Variants in ADAM33 observed in about 807,000 individuals in gnomAD.
ADAM33 encodes disintegrin and metalloproteinase domain-containing protein 33.
A neutral mutation model predicts 106.2 loss-of-function variants in ADAM33; 103 were observed. That is an observed-to-expected ratio of 0.97 (90% CI 0.83 to 1.14). ADAM33 has a LOEUF of 1.14. Ranked by LOEUF, ADAM33 falls within the 50% of genes most tolerant of loss-of-function variation. The pLI is 0.00. For synonymous variants in ADAM33, 483 were observed against 453.0 expected (o/e 1.07, Z -0.84); for missense variants, 1,120 against 1,096.6 (o/e 1.02, Z -0.30).
At chr20:3,677,817 C>T (rs1159537808) in intron 2 of ADAM33, among the ~76,000 whole-genome samples, 1 of 152,238 alleles carries the variant, frequency 6.6e-6, no homozygotes, top group Non-Finnish European at 1.5e-5. Flanking sequence ...GCCCTCTCTC[C>T]TTCCCCCACC....
At chr20:3,677,479 T>C (rs964950610) in intron 2 of ADAM33, among the ~76,000 whole-genome samples, 21 of 152,012 alleles carry the variant, frequency 1.4e-4, no homozygotes, top group Admixed American at 1.4e-3. Flanking sequence ...AGAAGGGGCA[T>C]CAAAAGCAGG....
Position 3,674,541 on chromosome 20 carries a change from G to A in ADAM33, c.563C>T (p.Ala188Val), listed in dbSNP as rs759205904. ...TCGHRDPGNK[A>V]GMTSLPGGPQ... ...ACCACCAGGAAGGCTGGTCATGCCC[G>A]CTTTGTTCCCAGGATCCCTGTGGCC... Residue 188 changes from alanine to valine, a missense_variant, in exon 6 of 22, where the codon GCG (alanine) becomes GTG (valine). By Grantham distance (64) the Ala-to-Val change is moderately conservative (BLOSUM62 0). Coordinates refer to ENST00000356518, the MANE Select transcript of ADAM33 (RefSeq NM_025220.5). 7 of 1,613,402 alleles carry A rather than the reference G, an allele frequency of 4.3e-6. No homozygotes were observed. The highest frequency in any genetic ancestry group is 1.7e-5 in the Admixed American group (1 of 59,920).
At position 3,673,432 on chromosome 20, in the gene ADAM33, C is replaced by T. The variant is rs778204922; in HGVS notation, c.1055G>A (p.Gly352Asp). The T allele has an allele frequency of 9.5e-6, 15 of 1,574,944 alleles. No homozygotes were observed. In the Middle Eastern group the frequency reaches 7.2e-4, roughly 75 times the overall value. ...GCAGCCGTCGGGGTCGTGGCTGAGG[C>T]CGAGGCTGTGGCCGATCTCATGGGC... ...TMAHEIGHSL[G>D]LSHDPDGCCV... Residue 352 changes from glycine (G) to aspartate (D), a missense_variant, in exon 11 of 22, where the codon GGC (glycine) becomes GAC (aspartate). Transcript: ENST00000356518.
intron 19 of ADAM33, 21 bp from the exon 20 acceptor site, chr20:3,669,658 C>A: frequency 1.3e-6 from 2 of 1,589,166 alleles, no homozygotes; most frequent in East Asian, 4.5e-5. Context: ...TGATAAGAGT[C>A]CAGGAGGTTG....
rs1169861002 is a variant in ADAM33 at position 3,673,352 on chromosome 20, A to G, written c.1133+2T>C. On this transcript the variant is annotated splice_donor_variant, in intron 11 of 21. Transcript: ENST00000356518. LOFTEE classifies it high-confidence loss of function. ...CGCAGCCCCGACCCCCCACCCGCGT[A>G]CCCGGTGGCCGCAGCCATGACGCAG... 1 of 1,537,818 alleles carries G rather than the reference A, an allele frequency of 6.5e-7. No individual in the cohort carries two copies. The highest frequency in any genetic ancestry group is 1.2e-5 in the South Asian group (1 of 84,166).
intron 1 of ADAM33, 44 bp from the exon 2 acceptor site, chr20:3,679,615 A>C: frequency 6.5e-7 from 1 of 1,549,334 alleles, no homozygotes. Flanking sequence ...CCTGAGGAAC[A>C]CAGGGGCATG....
intron 1 of ADAM33, among the ~76,000 whole-genome samples, chr20:3,681,062 C>T (rs2088450057): frequency 6.6e-6 from 1 of 152,182 alleles, no homozygotes; most frequent in Admixed American, 6.5e-5. Context: ...GACCAGGCCC[C>T]TGTACCTGTT....
At position 3,674,417 on chromosome 20, in the gene ADAM33, G is replaced by C. The variant is rs2087797812; in HGVS notation, c.600+87C>G. The C allele has an allele frequency of 1.9e-6, 3 of 1,599,580 alleles. No individual in the cohort carries two copies. In the South Asian group the frequency reaches 3.3e-5, roughly 18 times the overall value. On this transcript the variant is annotated intron_variant, in intron 6 of 21. Transcript: ENST00000356518. ...CTTCAGACTTCAATAAAAATACTGG[G>C]ACTCGAGGCCTGTGAATTCCCGTCT...
rs1568800050 is a variant in ADAM33 at position 3,671,816 on chromosome 20, AC to A, written c.1707-38del. ...GTAGAGGGGGGTCAACAGCTGCAGT[AC>A]CCCCCTTCCCCAAACCCACTCCATA... On this transcript the variant is annotated intron_variant, in intron 15 of 21. Transcript: ENST00000356518. 13 of 1,551,074 alleles carry A rather than the reference AC, an allele frequency of 8.4e-6. 1 individual carries two copies. The South Asian group carries it at 1.3e-4, about 16-fold the overall frequency.
At position 3,668,998 on chromosome 20, in the gene ADAM33, C is replaced by T; in HGVS notation, c.2407G>A (p.Asp803Asn). ...LPAVSPDPQA[D>N]QVQMPRSCLW ...CAGGATCTTGGCATCTGGACTTGATCTGCTGAGAATGAGGAGGATATGTTG... is the reference window on the plus strand; with the variant it reads ...CAGGATCTTGGCATCTGGACTTGATTTGCTGAGAATGAGGAGGATATGTTG... The change falls in exon 22 of 22, where the codon GAT becomes AAT. Residue 803 changes from aspartate (D) to asparagine (N), a missense_variant and splice_region_variant. Coordinates refer to ENST00000356518, the MANE Select transcript of ADAM33 (RefSeq NM_025220.5). 6.2e-7 allele frequency: 1 copy of T among 1,613,894 alleles called. No individual in the cohort carries two copies. Among genetic ancestry groups the T allele is most frequent in the Non-Finnish European group, 8.5e-7 (1 of 1,179,946 alleles).
chr20:3,675,064 G>A lies in ADAM33; in HGVS notation c.296C>T (p.Pro99Leu). Residue 99 changes from proline (P) to leucine (L), a missense_variant, in exon 4 of 22, where the codon CCA (proline) becomes CTA (leucine). Pro to Leu is a moderately conservative substitution (Grantham distance 98, BLOSUM62 -3). Transcript: ENST00000356518. The surrounding 1 kb of genome is among the most constrained non-coding windows in gnomAD (Gnocchi z 4.1). ...GGCCAGCACCACTGGCTGCCCATCT[G>A]GGCCGTAGTGGGTTTCTATGTATCC... ...APGYIETHYGPDGQPVVLAPN... is the reference protein window; with the variant it reads ...APGYIETHYGLDGQPVVLAPN... 6.2e-7 allele frequency: 1 copy of A among 1,613,408 alleles called. No homozygotes were observed. The highest frequency in any genetic ancestry group is 1.1e-5 in the South Asian group (1 of 90,770).
Position 3,671,217 on chromosome 20 carries a change from C to T in ADAM33, c.2092+20G>A. 6.2e-7 allele frequency: 1 copy of T among 1,613,264 alleles called. No individual in the cohort carries two copies. Among genetic ancestry groups the T allele is most frequent in the Non-Finnish European group, 8.5e-7 (1 of 1,179,440 alleles). Reference sequence around the variant, plus strand: ...GGTGCACCACCCCAGCTCCTGCCCACATGCCCCCCACTGGCATACTTTCAG... The same window carrying T: ...GGTGCACCACCCCAGCTCCTGCCCATATGCCCCCCACTGGCATACTTTCAG... On this transcript the variant is annotated intron_variant, in intron 18 of 21. Coordinates refer to ENST00000356518, the MANE Select transcript of ADAM33 (RefSeq NM_025220.5).
rs41382144 is a variant in ADAM33 at position 3,672,615 on chromosome 20, G to T, written c.1323C>A (p.Asp441Glu). The T allele has an allele frequency of 2.5e-6, 4 of 1,613,506 alleles. No individual in the cohort carries two copies. Among genetic ancestry groups the T allele is most frequent in the Middle Eastern group, 3.3e-4 (2 of 6,062 alleles). ...AGCAGTTGTGAGCAAAGCAGCAGAG[G>T]TCGCGGCACTCCTGGGACCAGAAAG... The part of the protein sequence containing the change: ...CDCGPGQECR[D>E]LCCFAHNCSL... The change falls in exon 13 of 22, where the codon GAC (aspartate) becomes GAA (glutamate). Residue 441 changes from aspartate (D) to glutamate (E), a missense_variant. Transcript: ENST00000356518.
At chr20:3,676,550 C>T (rs562076615) in intron 3 of ADAM33, among the ~76,000 whole-genome samples, 2 of 151,976 alleles carry the variant, frequency 1.3e-5, no homozygotes, top group East Asian at 1.9e-4. Context: ...GCGATTCTCC[C>T]GTCTCAGCCC....
chr20:3,668,560 A>C lies in ADAM33; in HGVS notation c.*403T>G. 4.1e-6 allele frequency: 1 copy of C among 245,520 alleles called. No homozygotes were observed. Among genetic ancestry groups the C allele is most frequent in the Non-Finnish European group, 8.0e-6 (1 of 124,890 alleles). The allele number at this position is 245,520 out of a possible 1,614,324, so 15.2% of individuals were successfully genotyped here. On this transcript the variant is annotated 3_prime_UTR_variant, in exon 22 of 22. Transcript: ENST00000356518. ...CGAACCATAGGGCCCCAGGACCACT[A>C]GCTTCTGGCCAGCAGTCATGCCCTC...
intron 19 of ADAM33, chr20:3,670,060 T>C (rs1024015044): frequency 2.3e-5 from 7 of 301,526 alleles, no homozygotes; most frequent in Non-Finnish European, 4.4e-5. Context: ...CAAGGCCTTG[T>C]CATTTCCTGT....
chr20:3,671,901 C>T lies in ADAM33; in HGVS notation c.1682G>A (p.Gly561Asp), dbSNP rs1295109616. 2 of 1,553,962 alleles carry T rather than the reference C, an allele frequency of 1.3e-6. No individual in the cohort carries two copies. Among genetic ancestry groups the T allele is most frequent in the Admixed American group, 2.0e-5 (1 of 51,176 alleles). ...CCTCCCTGCACAGGGCAGGAAGTGG[C>T]CCTCGCTGTCCTGGCCGCAGTTTCC... ...AHGNCGQDSE[G>D]HFLPCAGRDA... is the part of the protein sequence containing the mutation. The change falls in exon 15 of 22, where the codon GGC (glycine) becomes GAC (aspartate). Residue 561 changes from glycine to aspartate, a missense_variant. Gly to Asp is a moderately conservative substitution (Grantham distance 94). Coordinates refer to ENST00000356518, the MANE Select transcript of ADAM33 (RefSeq NM_025220.5).
chr20:3,670,145 G>C (rs542992779), intron 19 of ADAM33: 16 of 205,920 alleles, frequency 7.8e-5, no homozygotes, highest in African/African-American at 3.5e-4. Context: ...ACCCTCTGCA[G>C]CGCCCCCTCC....
Position 3,673,900 on chromosome 20 carries a change from A to T in ADAM33, c.750T>A (p.Thr250=). The part of the protein sequence containing the change: ...VANYVDQLLR[T]LDIQVALTGL... ...CGGTCAGCGCCACCTGAATGTCCAG[A>T]GTCCTGAGAAGCTGAGGGCGAGGCG... is the stretch of plus-strand genomic sequence containing the variant. The change falls in exon 9 of 22, where the codon ACT becomes ACA. Residue 250 remains threonine, a synonymous_variant. Coordinates refer to ENST00000356518, the MANE Select transcript of ADAM33 (RefSeq NM_025220.5). The T allele has an allele frequency of 6.4e-7, 1 of 1,563,128 alleles. No homozygotes were observed. Among genetic ancestry groups the T allele is most frequent in the Admixed American group, 1.9e-5 (1 of 53,740 alleles).
Sources: allele counts gnomAD v4.1 joint callset (sites outside exome capture counted in the v4.1 genomes callset), GRCh38; gene constraint gnomAD v4.1.1; non-coding constraint Gnocchi (gnomAD v3.1); transcripts MANE v1.5; gene names NCBI Gene and HGNC (gene_info 2026-07-23, HGNC 2026-07-21).